The following HDHD2 variants were observed in gnomAD, a reference collection of about 807,000 sequenced individuals.
HDHD2 encodes haloacid dehalogenase like hydrolase domain containing 2.
In HDHD2, 26 loss-of-function variants were observed where a neutral mutation model predicts 24.8. The observed-to-expected ratio is 1.05, with a 90% CI of 0.77 to 1.45. The LOEUF (loss-of-function observed/expected upper bound fraction) is 1.45. HDHD2 is among the 40% of genes most tolerant of loss of function. The pLI is 0.00. For synonymous variants in HDHD2, 128 were observed against 114.9 expected (o/e 1.11, Z -0.73); for missense variants, 299 against 313.4 (o/e 0.95, Z 0.35).
At chr18:47,142,625 G>A (rs72907240) in intron 1 of HDHD2, among the ~76,000 whole-genome samples, 1,828 of 152,196 alleles carry the variant, frequency 0.012, 21 homozygotes, top group Non-Finnish European at 0.019. Context: ...GGGCTTTGAG[G>A]AGAAAGAAAA....
At chr18:47,141,359 A>G (rs2063817979) in intron 1 of HDHD2, among the ~76,000 whole-genome samples, 1 of 152,222 alleles carries the variant, frequency 6.6e-6, no homozygotes, top group South Asian at 2.1e-4. Context: ...AACCTAAATG[A>G]CCATCAACAG....
chr18:47,117,436 CCTCTCTTGTGTGCGTG>C (rs2063566797), intron 4 of HDHD2, among the ~76,000 whole-genome samples: 1 of 152,096 alleles, frequency 6.6e-6, no homozygotes, highest in Admixed American at 6.6e-5. Context: ...GGCCCCCTTC[CCTCTCTTGTGTGCGTG>C]CTCTCTTGAC....
chr18:47,108,465 T>G lies in HDHD2; in HGVS notation c.*217A>C. The G allele has an allele frequency of 2.5e-6, 1 of 405,040 alleles. No individual in the cohort carries two copies. Among genetic ancestry groups the G allele is most frequent in the Non-Finnish European group, 4.3e-6 (1 of 231,042 alleles). The allele number at this position is 405,040 out of a possible 1,614,324, so 25.1% of individuals were successfully genotyped here. A position where few individuals can be genotyped will look rare whatever the true frequency, so the allele number is the denominator to read the frequency against. On this transcript the variant is annotated 3_prime_UTR_variant, in exon 7 of 7. Coordinates refer to ENST00000300605, the MANE Select transcript of HDHD2 (RefSeq NM_032124.5). ...CACAAAATCTCAGCTTTCCCTTTCT[T>G]TGGGTCTCATCTTCAGTTACAAAAT... is the stretch of plus-strand genomic sequence containing the variant.
chr18:47,122,696 C>G (rs577816152), intron 4 of HDHD2, among the ~76,000 whole-genome samples: 1 of 152,144 alleles, frequency 6.6e-6, no homozygotes, highest in East Asian at 1.9e-4. Context: ...CAAAATACCT[C>G]CAATGTCACA....
intron 3 of HDHD2, 191 bp downstream of exon 3, chr18:47,134,305 G>A: frequency 1.7e-6 from 1 of 601,050 alleles, no homozygotes. Context: ...TATGTAATGT[G>A]TTTCACTTAC....
intron 4 of HDHD2, among the ~76,000 whole-genome samples, chr18:47,121,914 C>T (rs1194420856): frequency 6.6e-6 from 1 of 152,208 alleles, no homozygotes; most frequent in Non-Finnish European, 1.5e-5. Flanking sequence ...GCTTAAATGT[C>T]AGCAAATCAA....
chr18:47,114,984 G>A (rs2063545950), intron 5 of HDHD2, 148 bp downstream of exon 5: 1 of 588,474 alleles, frequency 1.7e-6, no homozygotes, highest in Non-Finnish European at 3.0e-6. Context: ...AACATCGACA[G>A]GAAACCTCAT....
intron 4 of HDHD2, among the ~76,000 whole-genome samples, chr18:47,117,150 C>T (rs1385027051): frequency 6.6e-6 from 1 of 152,172 alleles, no homozygotes; most frequent in African/African-American, 2.4e-5. Flanking sequence ...TTTTCTAGGA[C>T]ACAGATTAAA....
chr18:47,144,934 C>T (rs2063854785), intron 1 of HDHD2, among the ~76,000 whole-genome samples: 1 of 151,994 alleles, frequency 6.6e-6, no homozygotes, highest in Non-Finnish European at 1.5e-5. Flanking sequence ...CAACAGACTG[C>T]ATAAGCAGCC....
chr18:47,132,041 CT>C (rs2063718211), intron 3 of HDHD2, among the ~76,000 whole-genome samples: 1 of 152,122 alleles, frequency 6.6e-6, no homozygotes, highest in Non-Finnish European at 1.5e-5. Flanking sequence ...TTTTAAAAGC[CT>C]CCTATCTTGA....
intron 1 of HDHD2, among the ~76,000 whole-genome samples, chr18:47,148,589 C>T (rs1026240459): frequency 4.6e-5 from 7 of 152,314 alleles, no homozygotes; most frequent in African/African-American, 1.4e-4. Flanking sequence ...TTGAATATCA[C>T]TGGGGCATCT....
Position 47,134,494 on chromosome 18 carries a change from A to G in HDHD2, c.310+2T>C. 1 of 1,610,924 alleles carries G rather than the reference A, an allele frequency of 6.2e-7. No homozygotes were observed. Among genetic ancestry groups the G allele is most frequent in the Non-Finnish European group, 8.5e-7 (1 of 1,177,626 alleles). ...TCTTTAAATTTTCCAAATTTCCCCT[A>G]CCTTTGAAATCAGGTAGTGCCCGAT... On this transcript the variant is annotated splice_donor_variant, in intron 3 of 6. Transcript: ENST00000300605. LOFTEE classifies it high-confidence loss of function.
intron 1 of HDHD2, among the ~76,000 whole-genome samples, chr18:47,144,538 T>G (rs1296396254): frequency 1.3e-5 from 2 of 152,026 alleles, no homozygotes; most frequent in Non-Finnish European, 2.9e-5. Context: ...ACTTCAAGAT[T>G]GTAATTAGCG....
chr18:47,145,318 C>T (rs1468816138), intron 1 of HDHD2, among the ~76,000 whole-genome samples: 3 of 152,188 alleles, frequency 2.0e-5, no homozygotes, highest in Non-Finnish European at 4.4e-5. Flanking sequence ...GACACTTCGG[C>T]CAAGACCAAA....
At chr18:47,109,992 CA>C in intron 6 of HDHD2, 2 of 985,390 alleles carry the variant, frequency 2.0e-6, no homozygotes, top group Non-Finnish European at 2.4e-6. Context: ...GGAGGAAATG[CA>C]GAACGCAGCT....
intron 3 of HDHD2, among the ~76,000 whole-genome samples, chr18:47,132,813 GA>G (rs745670362): frequency 2.0e-5 from 3 of 152,144 alleles, no homozygotes; most frequent in Non-Finnish European, 4.4e-5. Context: ...TTTCCAAAGA[GA>G]AACACTTTTT....
At chr18:47,148,624 A>C (rs2063897863) in intron 1 of HDHD2, among the ~76,000 whole-genome samples, 1 of 152,194 alleles carries the variant, frequency 6.6e-6, no homozygotes, top group African/African-American at 2.4e-5. Context: ...TCACCCTCAA[A>C]GGTGCTCTTT....
chr18:47,115,685 G>A (rs893569072), intron 4 of HDHD2, among the ~76,000 whole-genome samples: 1 of 152,124 alleles, frequency 6.6e-6, no homozygotes, highest in Non-Finnish European at 1.5e-5. Flanking sequence ...AACTTAATGA[G>A]ACAAGTTGTT....
chr18:47,112,862 G>T, intron 6 of HDHD2, 115 bp downstream of exon 6: 3 of 800,620 alleles, frequency 3.7e-6, no homozygotes, highest in Non-Finnish European at 4.1e-6. Context: ...TTGCTTTGTG[G>T]CAGGAAGAGA....
Sources: allele counts gnomAD v4.1 joint callset (sites outside exome capture counted in the v4.1 genomes callset), GRCh38; gene constraint gnomAD v4.1.1; transcripts MANE v1.5; gene names NCBI Gene and HGNC (gene_info 2026-07-23, HGNC 2026-07-21).